The following PLXNA2 variants were observed in gnomAD, a reference collection of about 807,000 sequenced individuals.
The protein encoded by PLXNA2 is plexin-A2.
Under a neutral mutation model 193.5 loss-of-function variants are expected in PLXNA2, and 91 were observed. The ratio of observed to expected loss-of-function variants is 0.47; its 90% CI spans 0.40 to 0.56. The LOEUF is 0.56. Ranked by LOEUF, PLXNA2 falls within the 20% of genes least tolerant of loss-of-function variation. PLXNA2 has a pLI of 0.00. For synonymous variants in PLXNA2, 997 were observed against 1,027.3 expected (o/e 0.97, Z 0.56); for missense variants, 1,995 against 2,503.2 (o/e 0.80, Z 4.33).
intron 4 of PLXNA2, among the ~76,000 whole-genome samples, chr1:208,127,039 A>C (rs1228171142): frequency 3.3e-5 from 5 of 152,240 alleles, no homozygotes; most frequent in Non-Finnish European, 7.3e-5. Flanking sequence ...TGCTGACAGC[A>C]AGGGCCAAGA....
At chr1:208,033,065 T>G (rs960966106) in intron 28 of PLXNA2, among the ~76,000 whole-genome samples, 1 of 151,972 alleles carries the variant, frequency 6.6e-6, no homozygotes, top group Non-Finnish European at 1.5e-5. Context: ...TCCTCTTTTT[T>G]TTTTTTCGTT....
At position 208,045,862 on chromosome 1, in the gene PLXNA2, T is replaced by C; in HGVS notation, c.3495+16A>G. ...TGCTGCCCCTGGTGGCACTGCCCTC[T>C]GGCGGGCACTCCTACCTTCAGAATG... On this transcript the variant is annotated intron_variant, in intron 18 of 31. Transcript: ENST00000367033. The C allele has an allele frequency of 6.2e-7, 1 of 1,613,660 alleles. No individual in the cohort carries two copies. The highest frequency in any genetic ancestry group is 8.5e-7 in the Non-Finnish European group (1 of 1,179,550).
At chr1:208,126,161 A>G (rs1667970156) in intron 4 of PLXNA2, among the ~76,000 whole-genome samples, 1 of 152,204 alleles carries the variant, frequency 6.6e-6, no homozygotes, top group African/African-American at 2.4e-5. Flanking sequence ...GCCCACGACC[A>G]TGAACGATTG....
chr1:208,078,056 GT>G (rs1666217266), intron 12 of PLXNA2, among the ~76,000 whole-genome samples: 1 of 152,188 alleles, frequency 6.6e-6, no homozygotes, highest in African/African-American at 2.4e-5. Context: ...TTTAAAAATG[GT>G]TTTATAATTA....
chr1:208,138,429 A>T (rs553759758), intron 4 of PLXNA2, among the ~76,000 whole-genome samples: 58 of 152,356 alleles, frequency 3.8e-4, no homozygotes, highest in Non-Finnish European at 4.6e-4. Context: ...GACTTACAAT[A>T]TTTCCAACCT....
intron 4 of PLXNA2, among the ~76,000 whole-genome samples, chr1:208,129,925 T>C (rs1668096124): frequency 6.6e-6 from 1 of 152,224 alleles, no homozygotes; most frequent in Non-Finnish European, 1.5e-5. Flanking sequence ...CTGTCTTCCT[T>C]CTACCTGGCT....
chr1:208,081,997 C>T (rs1267113329), intron 11 of PLXNA2, among the ~76,000 whole-genome samples: 2 of 152,156 alleles, frequency 1.3e-5, no homozygotes, highest in African/African-American at 4.8e-5. Flanking sequence ...ACCTCAGGAA[C>T]TGGAGAGCAG....
At chr1:208,142,584 T>C (rs1300146135) in intron 3 of PLXNA2, 121 bp from the exon 4 acceptor site, 2 of 908,922 alleles carry the variant, frequency 2.2e-6, no homozygotes, top group African/African-American at 1.7e-5. Flanking sequence ...CACTACTCCA[T>C]AGACTGAAGT....
At chr1:208,237,900 G>A (rs1468177197) in intron 1 of PLXNA2, among the ~76,000 whole-genome samples, 1 of 152,158 alleles carries the variant, frequency 6.6e-6, no homozygotes, top group Non-Finnish European at 1.5e-5. Context: ...TGTATTAGGA[G>A]GGAGCTACCA....
At chr1:208,154,009 C>G (rs1187172539) in intron 3 of PLXNA2, among the ~76,000 whole-genome samples, 3 of 129,254 alleles carry the variant, frequency 2.3e-5, no homozygotes, top group Non-Finnish European at 4.7e-5. Context: ...GGGGCCAGAT[C>G]ATTCTAATCA....
chr1:208,084,365 C>T lies in PLXNA2; in HGVS notation c.2298+15G>A. On this transcript the variant is annotated intron_variant, in intron 10 of 31. Transcript: ENST00000367033. ...AAGCCCTGCTCCAGGCAGGGCCCAG[C>T]CTGCGTTTTCTTACCGAGCTGTTCT... The T allele has an allele frequency of 1.2e-6, 2 of 1,613,608 alleles. No individual in the cohort carries two copies. The highest frequency in any genetic ancestry group is 1.7e-6 in the Non-Finnish European group (2 of 1,179,822).
intron 15 of PLXNA2, among the ~76,000 whole-genome samples, 160 bp from the exon 16 acceptor site, chr1:208,051,583 T>C (rs945412183): frequency 2.0e-5 from 3 of 152,176 alleles, no homozygotes; most frequent in Non-Finnish European, 4.4e-5. Flanking sequence ...CGCATCAGTA[T>C]AGATCAGTGC....
rs542119606 is a variant in PLXNA2, at chr1:208,031,193, C to G, written c.5225+397G>C. 177 of 1,037,798 alleles carry G rather than the reference C, an allele frequency of 1.7e-4. No individual in the cohort carries two copies. In the African/African-American group the frequency reaches 2.9e-3, roughly 17 times the overall value. The allele number at this position is 1,037,798 out of a possible 1,614,324, so 64.3% of individuals were successfully genotyped here. A position where few individuals can be genotyped will look rare whatever the true frequency, so the allele number is the denominator to read the frequency against. On this transcript the variant is annotated intron_variant, in intron 29 of 31. Coordinates refer to ENST00000367033, the MANE Select transcript of PLXNA2 (RefSeq NM_025179.4). ...GGAAGTGCCTTAGAACTGCCCCACT[C>G]AGAATGCCCCACGATGTCTGGCTGT...
chr1:208,231,018 C>A (rs1196455486), intron 1 of PLXNA2, among the ~76,000 whole-genome samples: 1 of 152,178 alleles, frequency 6.6e-6, no homozygotes, highest in African/African-American at 2.4e-5. Context: ...CTGAAGGACC[C>A]TTAAGCACCT....
At chr1:208,107,682 C>T (rs1365490322) in intron 4 of PLXNA2, among the ~76,000 whole-genome samples, 1 of 152,114 alleles carries the variant, frequency 6.6e-6, no homozygotes, top group Non-Finnish European at 1.5e-5. Context: ...CAGAGTTTAA[C>T]GGGACACTCT....
chr1:208,201,418 G>A (rs1310374811), intron 3 of PLXNA2, among the ~76,000 whole-genome samples: 1 of 152,208 alleles, frequency 6.6e-6, no homozygotes, highest in Non-Finnish European at 1.5e-5. Flanking sequence ...TAATGCAACT[G>A]GATGCCAAAG....
chr1:208,083,169 G>A (rs748104086), intron 10 of PLXNA2, among the ~76,000 whole-genome samples: 6 of 152,130 alleles, frequency 3.9e-5, no homozygotes, highest in Admixed American at 2.0e-4. Flanking sequence ...AGGGAGAAGT[G>A]CCCACAGCTT....
intron 3 of PLXNA2, among the ~76,000 whole-genome samples, chr1:208,163,454 T>A (rs1394621595): frequency 6.6e-6 from 1 of 152,036 alleles, no homozygotes; most frequent in Non-Finnish European, 1.5e-5. Flanking sequence ...AAACTCAATG[T>A]GGGAAATGAG....
intron 3 of PLXNA2, among the ~76,000 whole-genome samples, chr1:208,199,822 C>A (rs975878618): frequency 3.9e-5 from 6 of 152,212 alleles, no homozygotes; most frequent in African/African-American, 1.4e-4. Flanking sequence ...ATCACTCCAC[C>A]TTTCTAGGCC....
Sources: gnomAD v4.1 joint callset for allele counts (sites outside exome capture counted in the v4.1 genomes callset) on GRCh38, gnomAD v4.1.1 for gene constraint, MANE v1.5 for transcripts, NCBI Gene and HGNC (gene_info 2026-07-23, HGNC 2026-07-21) for gene names.